Variants in CAP2 observed in about 807,000 individuals in gnomAD.
CAP2 encodes the protein cyclase associated actin cytoskeleton regulatory protein 2, also known as adenylyl cyclase-associated protein 2.
Under a neutral mutation model 57.7 loss-of-function variants are expected in CAP2, and 24 were observed. The ratio of observed to expected loss-of-function variants is 0.42; its 90% CI spans 0.30 to 0.58. The LOEUF is 0.58. CAP2 is among the 20% of genes least tolerant of loss of function. The pLI is 0.22. For missense variants in CAP2, 501 were observed against 590.3 expected (o/e 0.85, Z 1.57); for synonymous variants, 194 against 207.2 (o/e 0.94, Z 0.55).
intron 1 of CAP2, among the ~76,000 whole-genome samples, chr6:17,413,317 A>T (rs1265118848): frequency 3.3e-5 from 5 of 152,192 alleles, no homozygotes; most frequent in African/African-American, 1.2e-4. Flanking sequence ...TGCAATAAAA[A>T]GAAAATGGTG....
rs564440626 is a variant in CAP2 at position 17,421,433 on chromosome 6, T to G, written c.-1-122T>G. ...TACATACAATTTCATGGTTAAAAAA[T>G]AAAAATAAAGCCATCCCCAGTGATT... On this transcript the variant is annotated intron_variant, in intron 1 of 12. Coordinates refer to ENST00000229922, the MANE Select transcript of CAP2 (RefSeq NM_006366.3). 1.7e-4 allele frequency: 169 copies of G among 966,840 alleles called. 1 individual carries two copies. The South Asian group carries it at 2.4e-3, about 14-fold the overall frequency. 59.9% of individuals were successfully genotyped at this position (966,840 alleles called of 1,614,324 possible).
intron 7 of CAP2, among the ~76,000 whole-genome samples, chr6:17,533,380 A>G (rs1260804151): frequency 3.9e-5 from 6 of 152,110 alleles, no homozygotes; most frequent in Admixed American, 3.9e-4. Flanking sequence ...AGGGATTTGC[A>G]GTACAGTAGC....
chr6:17,489,413 C>G (rs1217859193), intron 4 of CAP2, among the ~76,000 whole-genome samples: 3 of 152,158 alleles, frequency 2.0e-5, no homozygotes, highest in African/African-American at 7.2e-5. Flanking sequence ...GCCTGGGCAA[C>G]AGAGCAAGAC....
intron 1 of CAP2, among the ~76,000 whole-genome samples, chr6:17,417,870 C>T (rs1759330244): frequency 6.6e-6 from 1 of 152,162 alleles, no homozygotes; most frequent in African/African-American, 2.4e-5. Context: ...ATTCTGCTGG[C>T]CTCCTGAAGC....
chr6:17,417,326 A>G lies in CAP2; in HGVS notation c.-1-4229A>G, dbSNP rs374382718. 5.2e-3 allele frequency among the ~76,000 whole-genome samples: 726 copies of G among 140,200 alleles called. 2 individuals carry two copies. Among genetic ancestry groups the G allele is most frequent in the Non-Finnish European group, 8.4e-3 (557 of 65,996 alleles). 92.0% of individuals were successfully genotyped at this position (140,200 alleles called of 152,430 possible). Reference sequence around the variant, plus strand: ...GGTCTCATTTTTTCACTCAGGCTGGAGTGCAGTGGGGTGAACACGGCTCAC... The same window carrying G: ...GGTCTCATTTTTTCACTCAGGCTGGGGTGCAGTGGGGTGAACACGGCTCAC... On this transcript the variant is annotated intron_variant, in intron 1 of 12. Coordinates refer to ENST00000229922, the MANE Select transcript of CAP2 (RefSeq NM_006366.3).
At chr6:17,465,219 C>G (rs143425341) in intron 4 of CAP2, among the ~76,000 whole-genome samples, 13 of 152,222 alleles carry the variant, frequency 8.5e-5, no homozygotes, top group African/African-American at 2.6e-4. Context: ...TGGGTTCTTG[C>G]TCTTGCTCTG....
chr6:17,445,617 C>T (rs1760236321), intron 3 of CAP2, among the ~76,000 whole-genome samples: 1 of 152,150 alleles, frequency 6.6e-6, no homozygotes, highest in Non-Finnish European at 1.5e-5. Flanking sequence ...AATCAAATCT[C>T]CCTGGTTTCA....
intron 7 of CAP2, among the ~76,000 whole-genome samples, chr6:17,529,651 A>AAAAATATATATATATATATATAT (rs10656588): frequency 7.4e-6 from 1 of 134,538 alleles, no homozygotes; most frequent in Admixed American, 7.8e-5. Flanking sequence ...AAAAAAAAAA[A>AAAAATATATATATATATATATAT]ATATATATAT....
At chr6:17,433,837 C>A (rs889208369) in intron 3 of CAP2, among the ~76,000 whole-genome samples, 1 of 152,200 alleles carries the variant, frequency 6.6e-6, no homozygotes, top group Non-Finnish European at 1.5e-5. Flanking sequence ...CATTGGACAT[C>A]CCTGTGACTC....
intron 8 of CAP2, 65 bp from the exon 9 acceptor site, chr6:17,540,908 T>C: frequency 1.4e-6 from 2 of 1,454,532 alleles, no homozygotes; most frequent in Non-Finnish European, 1.9e-6. Flanking sequence ...ATCATGTTGA[T>C]CTAGCAAGTT....
intron 1 of CAP2, among the ~76,000 whole-genome samples, chr6:17,400,864 CA>C (rs11323666): frequency 0.47 from 49,369 of 104,110 alleles, 10,368 homozygotes; most frequent in African/African-American, 0.72. Context: ...GACTCCGTCT[CA>C]AAAAAAAAAA....
intron 3 of CAP2, among the ~76,000 whole-genome samples, chr6:17,446,430 G>A (rs923581369): frequency 6.6e-6 from 1 of 152,110 alleles, no homozygotes; most frequent in Non-Finnish European, 1.5e-5. Context: ...TTGGTGCTTA[G>A]CAACCATTAT....
intron 11 of CAP2, among the ~76,000 whole-genome samples, chr6:17,548,906 GA>G (rs1424131297): frequency 6.6e-6 from 1 of 152,096 alleles, no homozygotes; most frequent in African/African-American, 2.4e-5. Flanking sequence ...TGCTAATTGT[GA>G]AAAATAAATA....
At chr6:17,425,811 A>G (rs569280034) in intron 2 of CAP2, among the ~76,000 whole-genome samples, 1 of 152,264 alleles carries the variant, frequency 6.6e-6, no homozygotes, top group South Asian at 2.1e-4. Context: ...ACATTGATGG[A>G]GATCCGGGCA....
chr6:17,465,259 C>T (rs1760832493), intron 4 of CAP2, among the ~76,000 whole-genome samples: 1 of 152,124 alleles, frequency 6.6e-6, no homozygotes, highest in Non-Finnish European at 1.5e-5. Context: ...GTGGTGCAAT[C>T]CTAACTCATT....
chr6:17,412,560 T>C (rs1371963565), intron 1 of CAP2, among the ~76,000 whole-genome samples: 1 of 152,192 alleles, frequency 6.6e-6, no homozygotes, highest in African/African-American at 2.4e-5. Flanking sequence ...TTATGAGTCC[T>C]AGCCTTTTAT....
chr6:17,550,014 G>T (rs1269044376), intron 11 of CAP2, among the ~76,000 whole-genome samples: 1 of 152,162 alleles, frequency 6.6e-6, no homozygotes, highest in Non-Finnish European at 1.5e-5. Context: ...CCACCAGTTG[G>T]TAAGTTAATA....
chr6:17,418,896 C>T (rs1209154362), intron 1 of CAP2, among the ~76,000 whole-genome samples: 2 of 151,812 alleles, frequency 1.3e-5, no homozygotes, highest in Non-Finnish European at 2.9e-5. Flanking sequence ...CCTTCAATTG[C>T]GATGGAAGCA....
At chr6:17,498,996 T>G (rs1761734956) in intron 4 of CAP2, among the ~76,000 whole-genome samples, 1 of 152,044 alleles carries the variant, frequency 6.6e-6, no homozygotes, top group Non-Finnish European at 1.5e-5. Flanking sequence ...CCCAAAGTGC[T>G]GTGATTACAG....
Sources: gnomAD v4.1 joint callset for allele counts (sites outside exome capture counted in the v4.1 genomes callset) on GRCh38, gnomAD v4.1.1 for gene constraint, MANE v1.5 for transcripts, NCBI Gene and HGNC (gene_info 2026-07-23, HGNC 2026-07-21) for gene names.